The following RET variants were observed in gnomAD, a reference collection of about 807,000 sequenced individuals.
The protein encoded by RET is ret proto-oncogene.
A neutral mutation model predicts 118.3 loss-of-function variants in RET; 19 were observed. The observed-to-expected ratio is 0.16, with a 90% CI of 0.11 to 0.24. The LOEUF is 0.24. RET is among the 10% of genes least tolerant of loss of function. The probability of loss-of-function intolerance (pLI) is 1.00; values close to 1 mark genes in which losing one functional copy is unlikely to be tolerated. For missense variants in RET, 1,219 were observed against 1,502.1 expected (o/e 0.81, Z 3.12); for synonymous variants, 597 against 644.1 (o/e 0.93, Z 1.11).
chr10:43,119,613 C>T lies in RET; in HGVS notation c.2475C>T (p.Gly825=), dbSNP rs1838158445. 1 of 1,612,844 alleles carries T rather than the reference C, an allele frequency of 6.2e-7. No homozygotes were observed. The change falls in exon 14 of 20, where the codon GGC becomes GGT. Residue 825 remains glycine, a synonymous_variant. Coordinates refer to ENST00000355710, the MANE Select transcript of RET (RefSeq NM_020975.6). ...GCGAGAGCCGCAAAGTGGGGCCTGG[C>T]TACCTGGGCAGTGGAGGCAGCCGCA... is the stretch of plus-strand genomic sequence containing the variant. ...FLRESRKVGP[G]YLGSGGSRNS...
At chr10:43,098,156 T>C (rs1318391464) in intron 1 of RET, among the ~76,000 whole-genome samples, 1 of 152,194 alleles carries the variant, frequency 6.6e-6, no homozygotes, top group Non-Finnish European at 1.5e-5. Flanking sequence ...TACATTCACA[T>C]TGTTGTACAG....
At chr10:43,112,276 G>A (rs1837957387) in intron 8 of RET, 52 bp downstream of exon 8, 2 of 1,541,286 alleles carry the variant, frequency 1.3e-6, no homozygotes, top group East Asian at 2.5e-5. Context: ...GGCACCGGTG[G>A]AAACGGGGTC....
rs963459590 is a variant in RET, at chr10:43,129,604, G to A, written c.*1335G>A. On this transcript the variant is annotated 3_prime_UTR_variant, in exon 20 of 20. Coordinates refer to ENST00000355710, the MANE Select transcript of RET (RefSeq NM_020975.6). ...GCTGTGTTGTCAGCACTGTAACTTCGCAGAAAAGAGTCGGATTACCAAAAC... is the reference window on the plus strand; with the variant it reads ...GCTGTGTTGTCAGCACTGTAACTTCACAGAAAAGAGTCGGATTACCAAAAC... The A allele has an allele frequency of 8.1e-6, 2 of 246,482 alleles. No homozygotes were observed. Among genetic ancestry groups the A allele is most frequent in the Admixed American group, 5.5e-5 (1 of 18,114 alleles). The allele number at this position is 246,482 out of a possible 1,614,324, so 15.3% of individuals were successfully genotyped here.
chr10:43,097,243 C>T (rs1837540675), intron 1 of RET, among the ~76,000 whole-genome samples: 1 of 152,208 alleles, frequency 6.6e-6, no homozygotes, highest in African/African-American at 2.4e-5. Flanking sequence ...CCCAGAGGAG[C>T]ACCTGTGGGA....
intron 17 of RET, among the ~76,000 whole-genome samples, chr10:43,124,211 C>T (rs778887158): frequency 1.8e-4 from 28 of 152,120 alleles, no homozygotes; most frequent in Non-Finnish European, 1.6e-4. Context: ...GAAACCTTTA[C>T]ACTCTCAGGG....
chr10:43,104,283 GA>G (rs34245129), intron 3 of RET, among the ~76,000 whole-genome samples: 31,626 of 142,676 alleles, frequency 0.22, 3,765 homozygotes, highest in South Asian at 0.3. Context: ...TTCCATAATT[GA>G]AAAAAAAAAA....
chr10:43,094,863 G>A (rs1588859284), intron 1 of RET, among the ~76,000 whole-genome samples: 1 of 152,220 alleles, frequency 6.6e-6, no homozygotes, highest in Admixed American at 6.5e-5. Flanking sequence ...GTGTGCCCCC[G>A]TGGTGTGTAA....
intron 2 of RET, 124 bp from the exon 3 acceptor site, chr10:43,102,218 T>G: frequency 2.4e-6 from 3 of 1,256,954 alleles, no homozygotes; most frequent in South Asian, 1.2e-5. Context: ...AACACCAGTC[T>G]GAGCCTTGTG....
In RET at chr10:43,104,103, T is replaced by A. The variant is rs191786075; in HGVS notation, c.626-849T>A. ...GTCTCGACATCCGGCCTTCAGAGGATGACCAGCCTGGCGACGCACTGGACA... is the reference window on the plus strand; with the variant it reads ...GTCTCGACATCCGGCCTTCAGAGGAAGACCAGCCTGGCGACGCACTGGACA... On this transcript the variant is annotated intron_variant, in intron 3 of 19. Transcript: ENST00000355710. Among the ~76,000 whole-genome samples, 430 of 152,308 alleles carry A rather than the reference T, an allele frequency of 2.8e-3. 3 individuals carry two copies. Among genetic ancestry groups the A allele is most frequent in the Middle Eastern group, 0.01 (3 of 294 alleles).
chr10:43,100,793 C>T (rs963769200), intron 2 of RET, 71 bp downstream of exon 2: 351 of 1,487,888 alleles, frequency 2.4e-4, no homozygotes, highest in East Asian at 5.7e-4. Context: ...TTATCACAGC[C>T]GCTGACACTG....
chr10:43,088,275 G>C (rs1461907138), intron 1 of RET, among the ~76,000 whole-genome samples: 2 of 151,830 alleles, frequency 1.3e-5, no homozygotes, highest in Non-Finnish European at 2.9e-5. Context: ...TATTAGTGAA[G>C]GTGATGGTGA....
intron 1 of RET, among the ~76,000 whole-genome samples, chr10:43,087,918 A>G (rs973806584): frequency 2.6e-5 from 4 of 152,058 alleles, no homozygotes; most frequent in Admixed American, 6.5e-5. Context: ...AGTGATGGTC[A>G]TGGTGTTGGT....
Position 43,103,571 on chromosome 10 carries a change from TG to T in RET, c.625+944del, listed in dbSNP as rs574605509. On this transcript the variant is annotated intron_variant, in intron 3 of 19. Coordinates refer to ENST00000355710, the MANE Select transcript of RET (RefSeq NM_020975.6). ...AACCAGGTCACAGAGGCTGCACCGC[TG>T]GCAAGTGTGTCCTAAATTCACACTA... Among the ~76,000 whole-genome samples, 20 of 152,286 alleles carry T rather than the reference TG, an allele frequency of 1.3e-4. No individual in the cohort carries two copies. In the East Asian group the frequency reaches 3.7e-3, roughly 28 times the overall value.
chr10:43,084,424 G>A (rs1837248032), intron 1 of RET, among the ~76,000 whole-genome samples: 1 of 152,250 alleles, frequency 6.6e-6, no homozygotes, highest in African/African-American at 2.4e-5. Context: ...CACAGTGCTA[G>A]CTCGTTGTGG....
chr10:43,120,865 AG>A (rs1449689415), intron 15 of RET, among the ~76,000 whole-genome samples: 2 of 152,004 alleles, frequency 1.3e-5, no homozygotes, highest in Non-Finnish European at 2.9e-5. Flanking sequence ...CAGCCCAGGC[AG>A]GGCAAGTTCA....
chr10:43,121,116 C>T (rs1017490625), intron 15 of RET, among the ~76,000 whole-genome samples: 8 of 152,156 alleles, frequency 5.3e-5, no homozygotes, highest in African/African-American at 1.9e-4. Flanking sequence ...CTGGCCCCTG[C>T]CCTGTGGAGG....
At chr10:43,112,822 T>C in intron 8 of RET, 31 bp from the exon 9 acceptor site, 1 of 1,576,822 alleles carries the variant, frequency 6.3e-7, no homozygotes, top group Non-Finnish European at 8.7e-7. Context: ...GGCTCCCACA[T>C]GGGTGACAGC....
intron 1 of RET, among the ~76,000 whole-genome samples, chr10:43,082,969 G>A (rs976948723): frequency 1.3e-5 from 2 of 152,152 alleles, no homozygotes; most frequent in African/African-American, 2.4e-5. Context: ...GCTGTTGCTG[G>A]GCTAGGGGCC....
At chr10:43,087,688 C>G (rs887655987) in intron 1 of RET, among the ~76,000 whole-genome samples, 1 of 152,232 alleles carries the variant, frequency 6.6e-6, no homozygotes, top group Admixed American at 6.5e-5. Context: ...GATTTTCCTT[C>G]ACACCTGCTC....
Sources: gnomAD v4.1 joint callset for allele counts (sites outside exome capture counted in the v4.1 genomes callset) on GRCh38, gnomAD v4.1.1 for gene constraint, MANE v1.5 for transcripts, NCBI Gene and HGNC (gene_info 2026-07-23, HGNC 2026-07-21) for gene names.